The following OXCT1 variants were observed in gnomAD, a reference collection of about 807,000 sequenced individuals.
OXCT1 encodes 3-oxoacid CoA-transferase 1, also known as succinyl-CoA:3-ketoacid coenzyme A transferase 1, mitochondrial.
OXCT1 carries 27 observed loss-of-function variants against 69.6 expected under a neutral mutation model. The ratio of observed to expected loss-of-function variants is 0.39; its 90% CI spans 0.29 to 0.54. OXCT1 has a LOEUF of 0.54. Ranked by LOEUF, OXCT1 falls within the 20% of genes least tolerant of loss-of-function variation. OXCT1 has a pLI of 0.72. For synonymous variants in OXCT1, 202 were observed against 217.8 expected, an observed-to-expected ratio of 0.93 and a Z score of 0.64; for missense variants, 437 against 650.2, an observed-to-expected ratio of 0.67 and a Z score of 3.57.
At position 41,749,543 on chromosome 5, in the gene OXCT1, C is replaced by T; in HGVS notation, c.1403G>A (p.Arg468His). The T allele has an allele frequency of 3.1e-6, 5 of 1,604,456 alleles. No homozygotes were observed. Among genetic ancestry groups the T allele is most frequent in the Non-Finnish European group, 3.4e-6 (4 of 1,172,220 alleles). Residue 468 changes from arginine to histidine, a missense_variant, in exon 15 of 17, where the codon CGC becomes CAC. Around this residue, in one of 4 missense-constraint regions of OXCT1, gnomAD observed 102 missense variants for 162.1 expected, o/e 0.63. Coordinates refer to ENST00000196371, the MANE Select transcript of OXCT1 (RefSeq NM_000436.4). ...LPLTGKQCVNRIITEKAVFDV... is the reference protein window; with the variant it reads ...LPLTGKQCVNHIITEKAVFDV... ...ACTTTTTACCTTTTCAGTAATAATG[C>T]GGTTGACACATTGCTTTCCAGTCAA...
intron 15 of OXCT1, among the ~76,000 whole-genome samples, chr5:41,740,601 A>G (rs1743113373): frequency 6.6e-6 from 1 of 152,210 alleles, no homozygotes; most frequent in South Asian, 2.1e-4. Flanking sequence ...ATATAACTCA[A>G]GTGGAAGTGA....
chr5:41,770,714 T>C (rs1458302417), intron 13 of OXCT1, among the ~76,000 whole-genome samples: 1 of 152,202 alleles, frequency 6.6e-6, no homozygotes, highest in Non-Finnish European at 1.5e-5. Context: ...ACTTCTGTTT[T>C]CTTTCAAATA....
At position 41,811,890 on chromosome 5, in the gene OXCT1, G is replaced by A. The variant is rs115032163; in HGVS notation, c.733-4452C>T. ...GATGCCACAGACCTAGGCATGAAGT[G>A]TGGTGAGGAATATTTAAAGTGAGTT... On this transcript the variant is annotated intron_variant, in intron 7 of 16. Transcript: ENST00000196371. Among the ~76,000 whole-genome samples the A allele has an allele frequency of 4.1e-3, 623 of 152,170 alleles. 3 individuals carry two copies. The highest frequency in any genetic ancestry group is 0.015 in the African/African-American group (607 of 41,540).
chr5:41,747,749 A>G (rs1188424790), intron 15 of OXCT1, among the ~76,000 whole-genome samples: 2 of 152,106 alleles, frequency 1.3e-5, no homozygotes, highest in Non-Finnish European at 2.9e-5. Context: ...AAGTTAAAGC[A>G]GAGAGAAATA....
At chr5:41,853,673 G>C in intron 3 of OXCT1, 119 bp from the exon 4 acceptor site, 2 of 1,125,560 alleles carry the variant, frequency 1.8e-6, no homozygotes. Context: ...ATAGGCATTT[G>C]ATCCACATTC....
At chr5:41,736,259 A>G (rs1004026360) in intron 16 of OXCT1, among the ~76,000 whole-genome samples, 5 of 152,202 alleles carry the variant, frequency 3.3e-5, no homozygotes, top group Non-Finnish European at 5.9e-5. Flanking sequence ...TTCCAGAAAT[A>G]TAATCAATAT....
At chr5:41,859,890 A>AGG (rs1749652052) in intron 3 of OXCT1, among the ~76,000 whole-genome samples, 1 of 71,508 alleles carries the variant, frequency 1.4e-5, no homozygotes, top group Non-Finnish European at 3.3e-5. Context: ...TATATATGTA[A>AGG]TATATATATA....
At chr5:41,835,593 T>G (rs985229731) in intron 7 of OXCT1, among the ~76,000 whole-genome samples, 7 of 152,240 alleles carry the variant, frequency 4.6e-5, no homozygotes, top group African/African-American at 1.4e-4. Context: ...AAGCAATTCT[T>G]TTACAGGCAA....
At chr5:41,807,495 A>G in intron 7 of OXCT1, 57 bp from the exon 8 acceptor site, 1 of 996,946 alleles carries the variant, frequency 1.0e-6, no homozygotes, top group South Asian at 1.3e-5. Context: ...AACATTTTTA[A>G]TTTTTTAAAA....
chr5:41,795,618 C>T (rs1746141475), intron 11 of OXCT1, among the ~76,000 whole-genome samples: 2 of 152,014 alleles, frequency 1.3e-5, no homozygotes, highest in Admixed American at 1.3e-4. Context: ...CAAATAACTT[C>T]AGTGATAAGA....
intron 7 of OXCT1, among the ~76,000 whole-genome samples, chr5:41,814,896 TAA>T (rs757101421): frequency 7.8e-4 from 118 of 152,120 alleles, no homozygotes; most frequent in Non-Finnish European, 1.4e-3. Context: ...AATAAATAAA[TAA>T]AAAGAGTCTT....
At chr5:41,817,051 T>C (rs1469732431) in intron 7 of OXCT1, among the ~76,000 whole-genome samples, 1 of 152,206 alleles carries the variant, frequency 6.6e-6, no homozygotes, top group Admixed American at 6.5e-5. Context: ...CCAAAATATC[T>C]TCCTGGCATA....
intron 5 of OXCT1, among the ~76,000 whole-genome samples, chr5:41,847,722 T>G (rs557267274): frequency 2.8e-3 from 428 of 152,266 alleles, no homozygotes; most frequent in African/African-American, 7.7e-3. Flanking sequence ...CGTGACAAAA[T>G]TCAACAACCC....
At chr5:41,859,412 CATA>C (rs768876336) in intron 3 of OXCT1, among the ~76,000 whole-genome samples, 2 of 152,102 alleles carry the variant, frequency 1.3e-5, no homozygotes, top group African/African-American at 2.4e-5. Context: ...AGCCACAGAG[CATA>C]ATAAGAGCTT....
chr5:41,829,485 T>C (rs1382429954), intron 7 of OXCT1, among the ~76,000 whole-genome samples: 1 of 152,122 alleles, frequency 6.6e-6, no homozygotes, highest in Non-Finnish European at 1.5e-5. Flanking sequence ...CTTGCTGTAA[T>C]TGGTATTTTT....
At position 41,788,034 on chromosome 5, in the gene OXCT1, T is replaced by C. The variant is rs183218856; in HGVS notation, c.1248+5969A>G. On this transcript the variant is annotated intron_variant, in intron 13 of 16. Coordinates refer to ENST00000196371, the MANE Select transcript of OXCT1 (RefSeq NM_000436.4). ...CATTTTCAAAGATTACTTAAAAAGA[T>C]AGTCGAGTGTTTAGAGCAAAAATAA... Among the ~76,000 whole-genome samples the C allele has an allele frequency of 8.7e-3, 1,325 of 152,252 alleles. 10 individuals are homozygous for C. The highest frequency in any genetic ancestry group is 0.012 in the Non-Finnish European group (819 of 68,004).
chr5:41,832,346 A>G (rs1748140105), intron 7 of OXCT1, among the ~76,000 whole-genome samples: 1 of 151,994 alleles, frequency 6.6e-6, no homozygotes, highest in East Asian at 1.9e-4. Flanking sequence ...AGAGAGAGAG[A>G]GAGAGAGAGA....
Position 41,870,021 on chromosome 5 carries a change from T to C in OXCT1, c.78+260A>G, listed in dbSNP as rs1225870813. 10 of 517,996 alleles carry C rather than the reference T, an allele frequency of 1.9e-5. No individual in the cohort carries two copies. Among genetic ancestry groups the C allele is most frequent in the Admixed American group, 6.3e-5 (2 of 31,624 alleles). 32.1% of individuals were successfully genotyped at this position (517,996 alleles called of 1,614,324 possible). ...GCGCTGCCAGGAGTCCTCCCGCCCC[T>C]TCTCAGCCTCTCCGCGCGCTTCTTT... On this transcript the variant is annotated intron_variant, in intron 1 of 16. Transcript: ENST00000196371. This position sits in a 1 kb window ranked among gnomAD's most constrained non-coding sequence, Gnocchi z 4.2.
At chr5:41,832,676 CG>C (rs1388746604) in intron 7 of OXCT1, among the ~76,000 whole-genome samples, 3 of 151,954 alleles carry the variant, frequency 2.0e-5, no homozygotes, top group Non-Finnish European at 4.4e-5. Flanking sequence ...AATAAGGCAC[CG>C]GGGACCAATC....
Sources: allele counts gnomAD v4.1 joint callset (sites outside exome capture counted in the v4.1 genomes callset), GRCh38; gene constraint gnomAD v4.1.1; regional missense constraint gnomAD v4.1.1; non-coding constraint Gnocchi (gnomAD v3.1); transcripts MANE v1.5; gene names NCBI Gene and HGNC (gene_info 2026-07-23, HGNC 2026-07-21).